The following CRYL1 variants were observed in gnomAD, a reference collection of about 807,000 sequenced individuals.
CRYL1 encodes the protein crystallin lambda 1.
In CRYL1, 29 loss-of-function variants were observed where a neutral mutation model predicts 36.6. The ratio of observed to expected loss-of-function variants is 0.79; its 90% CI spans 0.59 to 1.08. The LOEUF is 1.08. Among genes scored for constraint, CRYL1 ranks in the 50% least tolerant of loss-of-function variants. The probability of loss-of-function intolerance (pLI) is 0.00; values close to 1 mark genes in which losing one functional copy is unlikely to be tolerated. For synonymous variants in CRYL1, 152 were observed against 151.5 expected (o/e 1.00, Z -0.02); for missense variants, 411 against 407.9 (o/e 1.01, Z -0.06).
At chr13:20,484,170 G>A (rs2033346607) in intron 3 of CRYL1, among the ~76,000 whole-genome samples, 1 of 152,124 alleles carries the variant, frequency 6.6e-6, no homozygotes, top group South Asian at 2.1e-4. Flanking sequence ...AAGTAGCCTA[G>A]ATTGATTTTT....
chr13:20,411,525 C>T (rs113575540), intron 6 of CRYL1, among the ~76,000 whole-genome samples: 1,875 of 152,210 alleles, frequency 0.012, 31 homozygotes, highest in African/African-American at 0.042. Context: ...TATCAGGCAG[C>T]GTCTGTATAC....
chr13:20,479,029 G>C (rs1025858977), intron 3 of CRYL1, among the ~76,000 whole-genome samples: 1 of 151,744 alleles, frequency 6.6e-6, no homozygotes, highest in Non-Finnish European at 1.5e-5. Flanking sequence ...CCCCAAGTCT[G>C]TAAGGCCTCC....
At chr13:20,496,885 T>C (rs2033614424) in intron 2 of CRYL1, among the ~76,000 whole-genome samples, 1 of 147,152 alleles carries the variant, frequency 6.8e-6, no homozygotes, top group South Asian at 2.2e-4. Context: ...AGGTCAGAGA[T>C]TATTGGGAGA....
intron 3 of CRYL1, among the ~76,000 whole-genome samples, chr13:20,458,303 G>A (rs1488711473): frequency 6.6e-6 from 1 of 152,068 alleles, no homozygotes; most frequent in Non-Finnish European, 1.5e-5. Context: ...TTGATCAAAG[G>A]TACAAACCTA....
At chr13:20,413,508 G>A (rs1010829821) in intron 5 of CRYL1, 121 bp from the exon 6 acceptor site, 9 of 614,788 alleles carry the variant, frequency 1.5e-5, no homozygotes, top group Non-Finnish European at 2.6e-5. Flanking sequence ...ACTATACAGG[G>A]TGAGTACCAC....
At chr13:20,497,174 A>G (rs1339502500) in intron 2 of CRYL1, among the ~76,000 whole-genome samples, 1 of 152,052 alleles carries the variant, frequency 6.6e-6, no homozygotes, top group Admixed American at 6.5e-5. Context: ...GCCAGACACA[A>G]GAGGCCGTTG....
chr13:20,499,863 G>A (rs979940189), intron 2 of CRYL1, among the ~76,000 whole-genome samples: 2 of 152,214 alleles, frequency 1.3e-5, no homozygotes, highest in African/African-American at 4.8e-5. Context: ...CTTGTCAACA[G>A]TGTCTTTAAC....
At chr13:20,404,281 G>A in intron 7 of CRYL1, 39 bp from the exon 8 acceptor site, 1 of 1,335,930 alleles carries the variant, frequency 7.5e-7, no homozygotes, top group Non-Finnish European at 1.1e-6. Context: ...CAATAAAGAG[G>A]AAATAATTTA....
chr13:20,466,948 A>G (rs1006904360), intron 3 of CRYL1, among the ~76,000 whole-genome samples: 5 of 52,540 alleles, frequency 9.5e-5, no homozygotes, highest in East Asian at 7.2e-4. Flanking sequence ...GTCACACAAT[A>G]TAACTTTTTT....
chr13:20,482,046 A>G (rs1045298048), intron 3 of CRYL1, among the ~76,000 whole-genome samples: 8 of 150,518 alleles, frequency 5.3e-5, no homozygotes, highest in African/African-American at 2.0e-4. Flanking sequence ...ACCCATCTCT[A>G]CCAAAAGAAG....
intron 5 of CRYL1, chr13:20,426,799 A>G: frequency 1.0e-6 from 1 of 985,486 alleles, no homozygotes; most frequent in Non-Finnish European, 1.2e-6. Context: ...CTCAACGATG[A>G]AGTTCTGGAA....
At chr13:20,437,067 C>T (rs947654203) in intron 4 of CRYL1, among the ~76,000 whole-genome samples, 2 of 151,922 alleles carry the variant, frequency 1.3e-5, no homozygotes, top group Admixed American at 6.6e-5. Flanking sequence ...GAGGCTGAGA[C>T]AGGAGGCTTG....
Position 20,525,806 on chromosome 13 carries a change from G to A in CRYL1, c.-12C>T, listed in dbSNP as rs1179756268. Reference sequence around the variant, plus strand: ...GCGGAGGACGCCATGGTTGGGCCGGGGACGCGGCGCCGCGGGCGCTGGGAC... The same window carrying A: ...GCGGAGGACGCCATGGTTGGGCCGGAGACGCGGCGCCGCGGGCGCTGGGAC... On this transcript the variant is annotated 5_prime_UTR_variant, in exon 1 of 8. Coordinates refer to ENST00000298248, the MANE Select transcript of CRYL1 (RefSeq NM_015974.3). The surrounding 1 kb of genome is among the most constrained non-coding windows in gnomAD (Gnocchi z 4.3). The A allele has an allele frequency of 8.1e-7, 1 of 1,240,304 alleles. No individual in the cohort carries two copies. Among genetic ancestry groups the A allele is most frequent in the Non-Finnish European group, 1.0e-6 (1 of 991,340 alleles). The allele number at this position is 1,240,304 out of a possible 1,614,324, so 76.8% of individuals were successfully genotyped here. A position where few individuals can be genotyped will look rare whatever the true frequency, so the allele number is the denominator to read the frequency against.
chr13:20,454,714 C>T (rs1225715078), intron 3 of CRYL1, among the ~76,000 whole-genome samples: 6 of 152,214 alleles, frequency 3.9e-5, no homozygotes, highest in Non-Finnish European at 7.4e-5. Flanking sequence ...CCACCGCACC[C>T]GACCCATTCA....
intron 3 of CRYL1, 56 bp downstream of exon 3, chr13:20,489,314 G>A (rs1350118340): frequency 6.2e-7 from 1 of 1,604,812 alleles, no homozygotes; most frequent in Non-Finnish European, 8.5e-7. Context: ...CCTCCGGAGA[G>A]GCTGGGAGAC....
At chr13:20,410,254 T>A (rs914383428) in intron 6 of CRYL1, among the ~76,000 whole-genome samples, 1 of 148,420 alleles carries the variant, frequency 6.7e-6, no homozygotes, top group East Asian at 2.0e-4. Flanking sequence ...AAATTGGAAA[T>A]CATCATTCTC....
intron 2 of CRYL1, among the ~76,000 whole-genome samples, chr13:20,492,796 G>T (rs1296340144): frequency 3.3e-5 from 5 of 152,182 alleles, no homozygotes; most frequent in African/African-American, 9.7e-5. Flanking sequence ...CAGGTATATT[G>T]TTCTGAGGAT....
At chr13:20,489,202 G>A (rs755404299) in intron 3 of CRYL1, among the ~76,000 whole-genome samples, 168 bp downstream of exon 3, 17 of 152,178 alleles carry the variant, frequency 1.1e-4, no homozygotes, top group Non-Finnish European at 1.3e-4. Context: ...ACCCAGGATA[G>A]AGGGTGTTTT....
Position 20,473,241 on chromosome 13 carries a change from G to C in CRYL1, c.276+16129C>G, listed in dbSNP as rs144044683. Among the ~76,000 whole-genome samples, 354 of 152,364 alleles carry C rather than the reference G, an allele frequency of 2.3e-3. 2 individuals are homozygous for C. The highest frequency in any genetic ancestry group is 8.1e-3 in the African/African-American group (337 of 41,596). On this transcript the variant is annotated intron_variant, in intron 3 of 7. Transcript: ENST00000298248. Reference sequence around the variant, plus strand: ...GTACAGCCACGAACAGGAGCCGGCAGGAGTGGCGGGGAGACCCGCAGTCCC... The same window carrying C: ...GTACAGCCACGAACAGGAGCCGGCACGAGTGGCGGGGAGACCCGCAGTCCC...
Sources: gnomAD v4.1 joint callset for allele counts (sites outside exome capture counted in the v4.1 genomes callset) on GRCh38, gnomAD v4.1.1 for gene constraint, Gnocchi (gnomAD v3.1) non-coding constraint, MANE v1.5 for transcripts, NCBI Gene and HGNC (gene_info 2026-07-23, HGNC 2026-07-21) for gene names.